The following LPP variants were observed in gnomAD, a reference collection of about 807,000 sequenced individuals.
LPP encodes LIM domain containing preferred translocation partner in lipoma.
LPP carries 38 observed loss-of-function variants against 60.4 expected under a neutral mutation model. That is an observed-to-expected ratio of 0.63 (90% CI 0.49 to 0.83). The LOEUF (loss-of-function observed/expected upper bound fraction) is 0.83. Among genes scored for constraint, LPP ranks in the 40% least tolerant of loss-of-function variants. The pLI is 0.00. For missense variants in LPP, 902 were observed against 783.6 expected (o/e 1.15, Z -1.80); for synonymous variants, 328 against 290.8 (o/e 1.13, Z -1.30).
intron 9 of LPP, among the ~76,000 whole-genome samples, chr3:188,761,599 A>G (rs1732378140): frequency 6.6e-6 from 1 of 152,242 alleles, no homozygotes; most frequent in African/African-American, 2.4e-5. Context: ...GCGACTTCGT[A>G]TGACCTATCA....
At chr3:188,263,930 A>G (rs1734543409) in intron 2 of LPP, among the ~76,000 whole-genome samples, 1 of 152,154 alleles carries the variant, frequency 6.6e-6, no homozygotes, top group Admixed American at 6.5e-5. Flanking sequence ...ATCCTCACTG[A>G]TTTTGTTCTT....
At chr3:188,592,557 G>GTTGTTTGTTTTTTTTTTTT (rs1553936334) in intron 6 of LPP, among the ~76,000 whole-genome samples, 24 of 85,754 alleles carry the variant, frequency 2.8e-4, no homozygotes, top group East Asian at 1.9e-3. Context: ...TTTTGTTTTT[G>GTTGTTTGTTTTTTTTTTTT]TTTTTTAAAT....
chr3:188,819,089 C>T (rs1753261764), intron 9 of LPP, among the ~76,000 whole-genome samples: 1 of 149,878 alleles, frequency 6.7e-6, no homozygotes, highest in African/African-American at 2.5e-5. Flanking sequence ...AATGTTTTTG[C>T]CATCTCTTCC....
At chr3:188,693,608 C>T (rs1447802187) in intron 7 of LPP, among the ~76,000 whole-genome samples, 1 of 152,002 alleles carries the variant, frequency 6.6e-6, no homozygotes, top group Admixed American at 6.6e-5. Context: ...CTTTGTTTGT[C>T]GAGGAAAAGG....
intron 6 of LPP, among the ~76,000 whole-genome samples, chr3:188,561,725 AT>A (rs1408492316): frequency 1.3e-5 from 2 of 151,610 alleles, no homozygotes; most frequent in African/African-American, 4.8e-5. Flanking sequence ...ACTCTGCTTC[AT>A]TTTTTTTAAT....
chr3:188,415,676 G>C (rs939233991), intron 4 of LPP, among the ~76,000 whole-genome samples: 2 of 147,590 alleles, frequency 1.4e-5, no homozygotes, highest in African/African-American at 5.0e-5. Flanking sequence ...TGAAAAAACT[G>C]TCTCGAAAGG....
At chr3:188,303,845 A>G (rs538559644) in intron 2 of LPP, among the ~76,000 whole-genome samples, 9 of 152,328 alleles carry the variant, frequency 5.9e-5, no homozygotes, top group African/African-American at 2.2e-4. Context: ...AAATATTTGA[A>G]AAGGTGTATG....
At chr3:188,731,531 G>GTTTTGTTTTGTTTTGTT (rs757819099) in intron 8 of LPP, among the ~76,000 whole-genome samples, 1 of 151,566 alleles carries the variant, frequency 6.6e-6, no homozygotes, top group Non-Finnish European at 1.5e-5. Context: ...GTTTTGTTTT[G>GTTTTGTTTTGTTTTGTT]TTTTGTTTTG....
chr3:188,796,972 C>T (rs1157049311), intron 9 of LPP, among the ~76,000 whole-genome samples: 1 of 152,092 alleles, frequency 6.6e-6, no homozygotes, highest in Non-Finnish European at 1.5e-5. Context: ...CCTATCTTTC[C>T]CTTCTAAAAC....
rs201534014 is a variant in LPP at position 188,564,771 on chromosome 3, T to C, written c.429+39984T>C. ...GAGGACACAACAGCAGCTGATTTTG[T>C]CATTCCTCAGAAATAAACATCCAGT... On this transcript the variant is annotated intron_variant, in intron 6 of 11. Transcript: ENST00000617246. Among the ~76,000 whole-genome samples the C allele has an allele frequency of 2.6e-5, 4 of 152,082 alleles. No homozygotes were observed. The East Asian group carries it at 7.8e-4, about 30-fold the overall frequency.
chr3:188,797,820 A>C lies in LPP; in HGVS notation c.1410+37538A>C, dbSNP rs183667704. Reference sequence around the variant, plus strand: ...ATATTCCTTACAAGAGAAGCTTTTGAGAGAAGGGCCTATAACTTTTCTTTC... The same window carrying C: ...ATATTCCTTACAAGAGAAGCTTTTGCGAGAAGGGCCTATAACTTTTCTTTC... On this transcript the variant is annotated intron_variant, in intron 9 of 11. Transcript: ENST00000617246. Among the ~76,000 whole-genome samples the C allele has an allele frequency of 1.7e-3, 255 of 152,324 alleles. 1 individual carries two copies. The highest frequency in any genetic ancestry group is 3.1e-3 in the Non-Finnish European group (210 of 68,026).
chr3:188,592,897 A>G (rs1342385122), intron 6 of LPP, among the ~76,000 whole-genome samples: 1 of 152,082 alleles, frequency 6.6e-6, no homozygotes, highest in African/African-American at 2.4e-5. Context: ...CTCTCTCAAA[A>G]GTCTAAGAAA....
chr3:188,878,640 T>C lies in LPP; in HGVS notation c.*4161T>C, dbSNP rs962821229. 9.7e-6 allele frequency: 2 copies of C among 205,962 alleles called. No homozygotes were observed. The highest frequency in any genetic ancestry group is 4.6e-5 in the African/African-American group (2 of 43,720). The allele number at this position is 205,962 out of a possible 1,614,324, so 12.8% of individuals were successfully genotyped here. On this transcript the variant is annotated 3_prime_UTR_variant, in exon 12 of 12. Coordinates refer to ENST00000617246, the MANE Select transcript of LPP (RefSeq NM_001375462.1). ...TGGGAGACAATCAGAGAACAACATA[T>C]ACTTGTGCCTTATTTTCAAAGAATC...
rs1819993752 is a variant in LPP, at chr3:188,524,807, A to G, written c.429+20A>G. 1.9e-6 allele frequency: 3 copies of G among 1,608,190 alleles called. No individual in the cohort carries two copies. The highest frequency in any genetic ancestry group is 2.5e-6 in the Non-Finnish European group (3 of 1,177,360). ...CCACAGGTTAGTGCAGCCCACAATCATCTCCACACAGCCATTCCCAGATAT... is the reference window on the plus strand; with the variant it reads ...CCACAGGTTAGTGCAGCCCACAATCGTCTCCACACAGCCATTCCCAGATAT... On this transcript the variant is annotated intron_variant, in intron 6 of 11. Transcript: ENST00000617246.
intron 3 of LPP, among the ~76,000 whole-genome samples, chr3:188,346,381 T>G (rs560785338): frequency 4.1e-5 from 6 of 147,334 alleles, no homozygotes; most frequent in African/African-American, 1.5e-4. Context: ...TGTCTCAGCC[T>G]CCCAAGTAGC....
At chr3:188,727,651 G>T (rs17671434) in intron 8 of LPP, among the ~76,000 whole-genome samples, 33,879 of 152,030 alleles carry the variant, frequency 0.22, 4,750 homozygotes, top group Middle Eastern at 0.47. Context: ...ACACAAATGG[G>T]CCTCATAATT....
intron 7 of LPP, among the ~76,000 whole-genome samples, chr3:188,614,139 G>A (rs1844417871): frequency 6.6e-6 from 1 of 151,958 alleles, no homozygotes; most frequent in South Asian, 2.1e-4. Context: ...ATGTTGGCCA[G>A]GCTGGTCTCA....
intron 9 of LPP, among the ~76,000 whole-genome samples, chr3:188,777,453 G>T (rs547003946): frequency 1.6e-4 from 25 of 152,144 alleles, no homozygotes; most frequent in Non-Finnish European, 3.5e-4. Flanking sequence ...TCAGTATTTG[G>T]GAAACTCACT....
At chr3:188,827,893 T>C (rs1050781824) in intron 9 of LPP, among the ~76,000 whole-genome samples, 2 of 152,178 alleles carry the variant, frequency 1.3e-5, no homozygotes, top group African/African-American at 2.4e-5. Context: ...TTTTTCTTTA[T>C]ATAAAAAACG....
Sources: allele counts gnomAD v4.1 joint callset (sites outside exome capture counted in the v4.1 genomes callset), GRCh38; gene constraint gnomAD v4.1.1; transcripts MANE v1.5; gene names NCBI Gene and HGNC (gene_info 2026-07-23, HGNC 2026-07-21).